The following PRRC2C variants were observed in gnomAD, a reference collection of about 807,000 sequenced individuals.
PRRC2C encodes protein PRRC2C.
PRRC2C carries 72 observed loss-of-function variants against 317.2 expected under a neutral mutation model. That is an observed-to-expected ratio of 0.23 (90% CI 0.19 to 0.28). The LOEUF is 0.28. Ranked by LOEUF, PRRC2C falls within the 10% of genes least tolerant of loss-of-function variation. PRRC2C has a pLI of 1.00. For missense variants in PRRC2C, 3,074 were observed against 3,459.7 expected (o/e 0.89, Z 2.80); for synonymous variants, 1,296 against 1,205.9 (o/e 1.07, Z -1.55).
chr1:171,525,033 A>G (rs987807617), intron 10 of PRRC2C, 68 bp downstream of exon 10: 6 of 1,264,728 alleles, frequency 4.7e-6, no homozygotes, highest in African/African-American at 3.0e-5. Context: ...GTGTAATACT[A>G]TGGATAATTA....
rs1228012937 is a variant in PRRC2C at position 171,540,692 on chromosome 1, C to A, written c.3226C>A (p.Gln1076Lys). Reference sequence around the variant, plus strand: ...TCAGCCACCAGCACCAATTCAGCCACAGTCAGTTCCACCACCAATTCAACC... The same window carrying A: ...TCAGCCACCAGCACCAATTCAGCCAAAGTCAGTTCCACCACCAATTCAACC... ...PPQPPAPIQP[Q>K]SVPPPIQPEA... is the part of the protein sequence containing the mutation. The change falls in exon 16 of 35, where the codon CAG becomes AAG. Residue 1076 changes from glutamine to lysine, a missense_variant. By Grantham distance (53) the Gln-to-Lys change is moderately conservative. Around this residue, in one of 11 missense-constraint regions of PRRC2C, gnomAD observed 1,320 missense variants for 1,395.7 expected, o/e 0.95. Coordinates refer to ENST00000647382, the MANE Select transcript of PRRC2C (RefSeq NM_001387844.1). 1 of 1,613,990 alleles carries A rather than the reference C, an allele frequency of 6.2e-7. No individual in the cohort carries two copies. Among genetic ancestry groups the A allele is most frequent in the East Asian group, 2.2e-5 (1 of 44,876 alleles).
Position 171,522,222 on chromosome 1 carries a change from C to A in PRRC2C, c.796C>A (p.Pro266Thr). Residue 266 changes from proline (P) to threonine (T), a missense_variant, in exon 7 of 35, where the codon CCC becomes ACC. By Grantham distance (38) the Pro-to-Thr change is conservative. Around this residue, in one of 11 missense-constraint regions of PRRC2C, gnomAD observed 237 missense variants for 199.5 expected, o/e 1.19. Transcript: ENST00000647382. ...GATGACATATCCTCCTCTACATGGT[C>A]CCATGAGATTCCCACCTTCTTTATC... The part of the protein sequence containing the change: ...PRMTYPPLHG[P>T]MRFPPSLSET... The A allele has an allele frequency of 6.3e-7, 1 of 1,599,464 alleles. No individual in the cohort carries two copies. Among genetic ancestry groups the A allele is most frequent in the Non-Finnish European group, 8.6e-7 (1 of 1,168,106 alleles).
chr1:171,539,372 T>C (rs1677507382), intron 15 of PRRC2C, among the ~76,000 whole-genome samples: 1 of 152,244 alleles, frequency 6.6e-6, no homozygotes, highest in African/African-American at 2.4e-5. Context: ...AAAAATTTAA[T>C]CATATGGTAC....
intron 4 of PRRC2C, 79 bp from the exon 5 acceptor site, chr1:171,515,655 G>A: frequency 8.5e-7 from 1 of 1,169,926 alleles, no homozygotes; most frequent in Non-Finnish European, 1.2e-6. Context: ...AAGAGGCAGA[G>A]AGCTCTATCC....
At chr1:171,546,913 C>T (rs1679215680) in intron 17 of PRRC2C, among the ~76,000 whole-genome samples, 1 of 152,046 alleles carries the variant, frequency 6.6e-6, no homozygotes. Context: ...CCACCACGCC[C>T]AGCCATAATA....
rs181893465 is a variant in PRRC2C, at chr1:171,507,161, G to A, written c.-57-4871G>A. On this transcript the variant is annotated intron_variant, in intron 1 of 34. Coordinates refer to ENST00000647382, the MANE Select transcript of PRRC2C (RefSeq NM_001387844.1). ...GTAATCCCACCTACTGGGAAGAACCGAGGTGGGAGGATCACTTGAGACCAG... is the reference window on the plus strand; with the variant it reads ...GTAATCCCACCTACTGGGAAGAACCAAGGTGGGAGGATCACTTGAGACCAG... Among the ~76,000 whole-genome samples, 5 of 152,282 alleles carry A rather than the reference G, an allele frequency of 3.3e-5. No individual in the cohort carries two copies. In the South Asian group the frequency reaches 6.2e-4, roughly 19 times the overall value.
Position 171,540,332 on chromosome 1 carries a change from A to C in PRRC2C, c.2866A>C (p.Ile956Leu). The C allele has an allele frequency of 6.2e-7, 1 of 1,613,538 alleles. No homozygotes were observed. The highest frequency in any genetic ancestry group is 8.5e-7 in the Non-Finnish European group (1 of 1,179,756). ...AGIPKVTSRC[I>L]DSKEPIERPE... Reference sequence around the variant, plus strand: ...CATTCCTAAAGTAACCAGCAGATGCATTGATTCAAAAGAACCAATAGAAAG... The same window carrying C: ...CATTCCTAAAGTAACCAGCAGATGCCTTGATTCAAAAGAACCAATAGAAAG... The change falls in exon 16 of 35, where the codon ATT becomes CTT. Residue 956 changes from isoleucine to leucine, a missense_variant. Transcript: ENST00000647382.
intron 6 of PRRC2C, among the ~76,000 whole-genome samples, chr1:171,519,921 AC>A (rs1673232506): frequency 6.6e-6 from 1 of 152,190 alleles, no homozygotes; most frequent in Non-Finnish European, 1.5e-5. Context: ...CATATACATT[AC>A]TATTTTTTAA....
rs1247437856 is a variant in PRRC2C at position 171,561,040 on chromosome 1, G to A, written c.6054G>A (p.Gln2018=). Residue 2018 remains glutamine (Q), a synonymous_variant, in exon 20 of 35, where the codon CAG becomes CAA. Transcript: ENST00000647382. ...CAGTAGGTCCCATTAGTCCACCACA[G>A]CCACCTTCAGTCAGTGCATGGAATA... ...SKKLGPISPP[Q]PPSVSAWNKP... is the part of the protein sequence containing the mutation. 1.2e-6 allele frequency: 2 copies of A among 1,606,398 alleles called. No individual in the cohort carries two copies. Among genetic ancestry groups the A allele is most frequent in the African/African-American group, 1.3e-5 (1 of 74,832 alleles).
chr1:171,541,548 C>G lies in PRRC2C; in HGVS notation c.4082C>G (p.Pro1361Arg), dbSNP rs527894050. The change falls in exon 16 of 35, where the codon CCA becomes CGA. Residue 1361 changes from proline (P) to arginine (R), a missense_variant. Physicochemically the swap from Pro to Arg is moderately radical, Grantham distance 103 (BLOSUM62 -2). Transcript: ENST00000647382. The surrounding 1 kb of genome is among the most constrained non-coding windows in gnomAD (Gnocchi z 4.1). ...GGTGGAAGGGATCCTGGAGGCCGTC[C>G]ATCACGCCCTTCCACTTTACGAAGA... ...RRGGRDPGGR[P>R]SRPSTLRRPA... The G allele has an allele frequency of 6.2e-7, 1 of 1,613,430 alleles. No homozygotes were observed. The highest frequency in any genetic ancestry group is 2.2e-5 in the East Asian group (1 of 44,826).
chr1:171,546,512 A>G (rs1044118423), intron 17 of PRRC2C, among the ~76,000 whole-genome samples: 58 of 152,180 alleles, frequency 3.8e-4, no homozygotes, highest in African/African-American at 1.3e-3. Context: ...CATGGACATT[A>G]TTTTTTGACC....
At position 171,589,366 on chromosome 1, in the gene PRRC2C, C is replaced by T. The variant is rs1371436425; in HGVS notation, c.8200-3C>T. 1.7e-6 allele frequency: 2 copies of T among 1,199,636 alleles called. No individual in the cohort carries two copies. The highest frequency in any genetic ancestry group is 2.5e-5 in the South Asian group (2 of 78,454). 74.3% of individuals were successfully genotyped at this position (1,199,636 alleles called of 1,614,324 possible). ...TGTTGTATGTTTTGTTTTTTTCACT[C>T]AGATTCTCTCCCAGCCTAACCTGGT... On this transcript the variant is annotated splice_polypyrimidine_tract_variant and splice_region_variant and intron_variant, in intron 33 of 34. Coordinates refer to ENST00000647382, the MANE Select transcript of PRRC2C (RefSeq NM_001387844.1).
Position 171,569,017 on chromosome 1 carries a change from G to A in PRRC2C, c.6651+678G>A, listed in dbSNP as rs10913261. Among the ~76,000 whole-genome samples, 839 of 152,270 alleles carry A rather than the reference G, an allele frequency of 5.5e-3. 12 individuals carry two copies. Among genetic ancestry groups the A allele is most frequent in the African/African-American group, 0.019 (802 of 41,552 alleles). On this transcript the variant is annotated intron_variant, in intron 23 of 34. Transcript: ENST00000647382. ...CATCATTTTGCTTAGCTCACTGTCT[G>A]ATAGATGAAAAATTGTTAGCCCAGA...
chr1:171,493,647 C>G (rs1266965950), intron 1 of PRRC2C, among the ~76,000 whole-genome samples: 1 of 152,130 alleles, frequency 6.6e-6, no homozygotes, highest in African/African-American at 2.4e-5. Flanking sequence ...TGGTGAAACC[C>G]CATCTCTACT....
At chr1:171,505,026 A>AT (rs56282458) in intron 1 of PRRC2C, among the ~76,000 whole-genome samples, 23,692 of 136,666 alleles carry the variant, frequency 0.17, 2,515 homozygotes, top group East Asian at 0.44. Context: ...AAGTATTTCA[A>AT]TTTTTTTTTT....
rs149122253 is a variant in PRRC2C, at chr1:171,492,106, T to G, written c.-58+6371T>G. ...TTAAGTTTATATTTGGAAATTTGAT[T>G]TGTGGTGTACAGTTCTTTAAGTTTT... On this transcript the variant is annotated intron_variant, in intron 1 of 34. Coordinates refer to ENST00000647382, the MANE Select transcript of PRRC2C (RefSeq NM_001387844.1). 6.3e-3 allele frequency among the ~76,000 whole-genome samples: 966 copies of G among 152,280 alleles called. 10 individuals carry two copies. The highest frequency in any genetic ancestry group is 0.018 in the African/African-American group (750 of 41,546).
intron 11 of PRRC2C, among the ~76,000 whole-genome samples, chr1:171,528,492 C>A (rs140282090): frequency 1.2e-4 from 18 of 151,186 alleles, no homozygotes; most frequent in African/African-American, 4.4e-4. Context: ...GGGGTTTCAC[C>A]GTGTTAGCCA....
intron 11 of PRRC2C, among the ~76,000 whole-genome samples, chr1:171,531,886 G>A (rs1054101726): frequency 6.6e-6 from 1 of 152,118 alleles, no homozygotes; most frequent in East Asian, 1.9e-4. Context: ...CTTTGGCTCT[G>A]TGCTTTTTAC....
intron 1 of PRRC2C, chr1:171,511,556 C>T (rs907910844): frequency 1.3e-5 from 2 of 152,034 alleles, no homozygotes; most frequent in African/African-American, 4.8e-5. Context: ...GAACATAGAA[C>T]GTTGTTTCTG....
Sources: allele counts gnomAD v4.1 joint callset (sites outside exome capture counted in the v4.1 genomes callset), GRCh38; gene constraint gnomAD v4.1.1; regional missense constraint gnomAD v4.1.1; non-coding constraint Gnocchi (gnomAD v3.1); transcripts MANE v1.5; gene names NCBI Gene and HGNC (gene_info 2026-07-23, HGNC 2026-07-21).